The following ADAMTS13 variants were observed in gnomAD, a reference collection of about 807,000 sequenced individuals.
ADAMTS13 encodes the protein A disintegrin and metalloproteinase with thrombospondin motifs 13.
Under a neutral mutation model 155.1 loss-of-function variants are expected in ADAMTS13, and 110 were observed. That is an observed-to-expected ratio of 0.71 (90% CI 0.61 to 0.83). The LOEUF (loss-of-function observed/expected upper bound fraction) is 0.83. Ranked by LOEUF, ADAMTS13 falls within the 40% of genes least tolerant of loss-of-function variation. The pLI, the probability that ADAMTS13 is intolerant of heterozygous loss-of-function variation, is 0.00. For missense variants in ADAMTS13, 1,707 were observed against 1,891.7 expected (o/e 0.90, Z 1.81); for synonymous variants, 758 against 756.4 (o/e 1.00, Z -0.03).
At position 133,442,447 on chromosome 9, in the gene ADAMTS13, A is replaced by T. The variant is rs281875307; in HGVS notation, c.2017A>T (p.Ile673Phe). The T allele has an allele frequency of 6.8e-6, 11 of 1,613,856 alleles. No homozygotes were observed. Among genetic ancestry groups the T allele is most frequent in the Non-Finnish European group, 8.5e-6 (10 of 1,180,022 alleles). ...EEYGNLTRPDITFTYFQPKPR... is the reference protein window; with the variant it reads ...EEYGNLTRPDFTFTYFQPKPR... ...GTATGGCAACCTCACCCGCCCAGAC[A>T]TCACCTTCACCTACTTCCAGCCTAA... Residue 673 changes from isoleucine (I) to phenylalanine (F), a missense_variant, in exon 17 of 29, where the codon ATC becomes TTC. By Grantham distance (21) the Ile-to-Phe change is conservative. Transcript: ENST00000355699.
intron 19 of ADAMTS13, among the ~76,000 whole-genome samples, 165 bp from the exon 20 acceptor site, chr9:133,444,698 G>A (rs587658292): frequency 8.5e-5 from 13 of 152,308 alleles, no homozygotes; most frequent in African/African-American, 3.1e-4. Context: ...TGGGGAACCC[G>A]GTGCTTCAGG....
In ADAMTS13 at chr9:133,424,210, G is replaced by A; in HGVS notation, c.173-111G>A. On this transcript the variant is annotated intron_variant, in intron 2 of 28. Transcript: ENST00000355699. This position sits in a 1 kb window ranked among gnomAD's most constrained non-coding sequence, Gnocchi z 4.3. The stretch of plus-strand genomic sequence containing the variant: ...TCTTGGGGTGGGGGTGACACGCAAT[G>A]TCTTGACTTCGGAAGGCCATCCTTC... 6.5e-7 allele frequency: 1 copy of A among 1,546,686 alleles called. No homozygotes were observed.
intron 19 of ADAMTS13, among the ~76,000 whole-genome samples, chr9:133,444,281 T>C (rs1841908040): frequency 6.6e-6 from 1 of 152,146 alleles, no homozygotes; most frequent in Non-Finnish European, 1.5e-5. Context: ...GCACCTGCTA[T>C]GGTGCATGGA....
chr9:133,443,661 C>T, intron 19 of ADAMTS13, 100 bp downstream of exon 19: 2 of 1,348,536 alleles, frequency 1.5e-6, no homozygotes, highest in Non-Finnish European at 2.0e-6. Context: ...CTCCTGAGGC[C>T]TCCGGCGGGG....
rs1554785237 is a variant in ADAMTS13, at chr9:133,426,235, G to A, written c.576G>A (p.Val192=). 1 of 1,613,518 alleles carries A rather than the reference G, an allele frequency of 6.2e-7. No individual in the cohort carries two copies. Among genetic ancestry groups the A allele is most frequent in the African/African-American group, 1.3e-5 (1 of 75,066 alleles). ...AGTTGCCTGATGGTAACCGGCAGGT[G>A]CGGGGCGTCACCCAGCTGGGCGGTG... ...DLELPDGNRQ[V]RGVTQLGGAC... is the part of the protein sequence containing the mutation. The change falls in exon 6 of 29, where the codon GTG becomes GTA. Residue 192 remains valine, a synonymous_variant. Coordinates refer to ENST00000355699, the MANE Select transcript of ADAMTS13 (RefSeq NM_139027.6).
rs1840205979 is a variant in ADAMTS13 at position 133,425,282 on chromosome 9, TC to T, written c.331-243del. Among the ~76,000 whole-genome samples the T allele has an allele frequency of 6.6e-6, 1 of 152,216 alleles. No individual in the cohort carries two copies. The highest frequency in any genetic ancestry group is 2.1e-4 in the South Asian group (1 of 4,828). The stretch of plus-strand genomic sequence containing the variant: ...ACTCGTGACCATCTGTGTGCTCTCA[TC>T]CCCTTGCTTTGGAGTTTGTTTTCCT... On this transcript the variant is annotated intron_variant, in intron 3 of 28. Coordinates refer to ENST00000355699, the MANE Select transcript of ADAMTS13 (RefSeq NM_139027.6). The surrounding 1 kb of genome is among the most constrained non-coding windows in gnomAD (Gnocchi z 4.6).
intron 8 of ADAMTS13, among the ~76,000 whole-genome samples, chr9:133,431,652 T>TTTTA (rs915808209): frequency 1.3e-5 from 2 of 151,290 alleles, no homozygotes; most frequent in Non-Finnish European, 2.9e-5. Flanking sequence ...TCTGATTTTA[T>TTTTA]TTTATTTATT....
intron 21 of ADAMTS13, among the ~76,000 whole-genome samples, chr9:133,446,849 G>GT (rs587762382): frequency 1.2e-4 from 18 of 151,924 alleles, no homozygotes; most frequent in East Asian, 7.7e-4. Flanking sequence ...TATTTCTATG[G>GT]TTTTTTTTGT....
chr9:133,452,456 C>T lies in ADAMTS13; in HGVS notation c.3045-1959C>T, dbSNP rs587623324. The stretch of plus-strand genomic sequence containing the variant: ...TTATAACCATTTAACATCTGTGTCA[C>T]TAGTGTGTCCTGATTTCTTTGCCTA... On this transcript the variant is annotated intron_variant, in intron 23 of 28. Transcript: ENST00000355699. Among the ~76,000 whole-genome samples the T allele has an allele frequency of 4.7e-4, 71 of 152,286 alleles. 2 individuals carry two copies. The highest frequency in any genetic ancestry group is 1.6e-3 in the African/African-American group (65 of 41,546).
In ADAMTS13 at chr9:133,445,200, A is replaced by C; in HGVS notation, c.2610+148A>C. 1 of 983,768 alleles carries C rather than the reference A, an allele frequency of 1.0e-6. No individual in the cohort carries two copies. The highest frequency in any genetic ancestry group is 2.4e-5 in the Admixed American group (1 of 42,126). The allele number at this position is 983,768 out of a possible 1,614,324, so 60.9% of individuals were successfully genotyped here. A position where few individuals can be genotyped will look rare whatever the true frequency, so the allele number is the denominator to read the frequency against. On this transcript the variant is annotated intron_variant, in intron 20 of 28. Coordinates refer to ENST00000355699, the MANE Select transcript of ADAMTS13 (RefSeq NM_139027.6). This position sits in a 1 kb window ranked among gnomAD's most constrained non-coding sequence, Gnocchi z 5.0. ...TGCTGTCTGAGGGCCACCCCTGCTCAGAAAAGAAGCTTAGAAAGAGGGCTC... is the reference window on the plus strand; with the variant it reads ...TGCTGTCTGAGGGCCACCCCTGCTCCGAAAAGAAGCTTAGAAAGAGGGCTC...
At position 133,456,305 on chromosome 9, in the gene ADAMTS13, C is replaced by T. The variant is rs1471408894; in HGVS notation, c.3547+90C>T. ...TGCATGCCCCATTCCTGGCAGGAGC[C>T]CATGTGCATTCCCACCTGTAGTTTG... On this transcript the variant is annotated intron_variant, in intron 26 of 28. Coordinates refer to ENST00000355699, the MANE Select transcript of ADAMTS13 (RefSeq NM_139027.6). This position sits in a 1 kb window ranked among gnomAD's most constrained non-coding sequence, Gnocchi z 4.4. 4.4e-6 allele frequency: 7 copies of T among 1,587,046 alleles called. No homozygotes were observed. The highest frequency in any genetic ancestry group is 1.7e-5 in the Admixed American group (1 of 58,004).
chr9:133,449,939 C>G lies in ADAMTS13; in HGVS notation c.3018C>G (p.Ala1006=). ...QGLPRPEPQE[A]CSLEPCPPRW... ...TGCCTCGCCCGGAACCCCAGGAGGC[C>G]TGCAGCCTGGAGCCCTGCCCACCTA... The change falls in exon 23 of 29, where the codon GCC becomes GCG. Residue 1006 remains alanine, a synonymous_variant. Coordinates refer to ENST00000355699, the MANE Select transcript of ADAMTS13 (RefSeq NM_139027.6). 3 of 1,609,034 alleles carry G rather than the reference C, an allele frequency of 1.9e-6. No individual in the cohort carries two copies. The highest frequency in any genetic ancestry group is 1.7e-6 in the Non-Finnish European group (2 of 1,178,660).
rs587702346 is a variant in ADAMTS13, at chr9:133,438,242, A to G, written c.1585-4A>G. ...ACGGGCCCTCTGTCCTTCCCTTTGC[A>G]TAGACATTTGGCTGTGATGGTAGGA... On this transcript the variant is annotated splice_region_variant and splice_polypyrimidine_tract_variant and intron_variant, in intron 13 of 28. Coordinates refer to ENST00000355699, the MANE Select transcript of ADAMTS13 (RefSeq NM_139027.6). The G allele has an allele frequency of 6.2e-6, 10 of 1,614,084 alleles. No individual in the cohort carries two copies. Among genetic ancestry groups the G allele is most frequent in the East Asian group, 2.2e-5 (1 of 44,882 alleles).
chr9:133,453,845 C>T (rs1455731560), intron 23 of ADAMTS13, among the ~76,000 whole-genome samples: 3 of 152,092 alleles, frequency 2.0e-5, no homozygotes, highest in Non-Finnish European at 2.9e-5. Flanking sequence ...AGAACAGTGC[C>T]AAGCCGCGGA....
intron 18 of ADAMTS13, 23 bp from the exon 19 acceptor site, chr9:133,443,353 C>A (rs183047698): frequency 1.3e-6 from 2 of 1,582,542 alleles, no homozygotes; most frequent in East Asian, 4.5e-5. Flanking sequence ...GCCAGGGTCC[C>A]GACGCTCTGT....
At chr9:133,439,223 C>T (rs1554789986) in intron 14 of ADAMTS13, 143 bp from the exon 15 acceptor site, 1 of 728,152 alleles carries the variant, frequency 1.4e-6, no homozygotes, top group Non-Finnish European at 2.5e-6. Flanking sequence ...CTTTTAATTG[C>T]CCCCATGACA....
upstream of ADAMTS13, chr9:133,422,259 G>A: frequency 7.9e-6 from 5 of 631,862 alleles, no homozygotes; most frequent in Non-Finnish European, 1.4e-5. Flanking sequence ...GCTTGCAGCA[G>A]GAGGAGCTGC....
At chr9:133,428,568 T>A in intron 6 of ADAMTS13, 66 bp from the exon 7 acceptor site, 1 of 124,986 alleles carries the variant, frequency 8.0e-6, no homozygotes, top group Non-Finnish European at 1.6e-5. Flanking sequence ...CCGACCCCCG[T>A]CCCGCCCCCA....
Position 133,424,564 on chromosome 9 carries a change from A to G in ADAMTS13, c.330+86A>G. 1.2e-5 allele frequency: 19 copies of G among 1,545,316 alleles called. No individual in the cohort carries two copies. Among genetic ancestry groups the G allele is most frequent in the Non-Finnish European group, 1.7e-5 (19 of 1,141,970 alleles). On this transcript the variant is annotated intron_variant, in intron 3 of 28. Transcript: ENST00000355699. The surrounding 1 kb of genome is among the most constrained non-coding windows in gnomAD (Gnocchi z 4.3). Reference sequence around the variant, plus strand: ...TGGGCTGGTGTATCTGGTAGTCTGAATACAGTGGGTTAAACTCAGGTAGAA... The same window carrying G: ...TGGGCTGGTGTATCTGGTAGTCTGAGTACAGTGGGTTAAACTCAGGTAGAA...
Sources: allele counts gnomAD v4.1 joint callset (sites outside exome capture counted in the v4.1 genomes callset), GRCh38; gene constraint gnomAD v4.1.1; non-coding constraint Gnocchi (gnomAD v3.1); transcripts MANE v1.5; gene names NCBI Gene and HGNC (gene_info 2026-07-23, HGNC 2026-07-21).